Variants in PTPN21 observed in about 807,000 individuals in gnomAD.
The protein encoded by PTPN21 is protein tyrosine phosphatase non-receptor type 21.
Under a neutral mutation model 131.8 loss-of-function variants are expected in PTPN21, and 77 were observed. That is an observed-to-expected ratio of 0.58 (90% CI 0.49 to 0.71). The LOEUF (loss-of-function observed/expected upper bound fraction) is 0.71. Among genes scored for constraint, PTPN21 ranks in the 30% least tolerant of loss-of-function variants. The probability of loss-of-function intolerance (pLI) is 0.00; values close to 1 mark genes in which losing one functional copy is unlikely to be tolerated. For synonymous variants in PTPN21, 715 were observed against 621.3 expected, an observed-to-expected ratio of 1.15 and a Z score of -2.24; for missense variants, 1,552 against 1,527.1, an observed-to-expected ratio of 1.02 and a Z score of -0.27.
rs183614635 is a variant in PTPN21 at position 88,486,548 on chromosome 14, C to T, written c.933-706G>A. ...CAAATATAAAAAAATTTCAAACCTA[C>T]GTATTTTTTAAATCTACATTTCCTC... On this transcript the variant is annotated intron_variant, in intron 10 of 18. Transcript: ENST00000556564. Among the ~76,000 whole-genome samples the T allele has an allele frequency of 1.1e-3, 162 of 152,190 alleles. 2 individuals carry two copies. In the East Asian group the frequency reaches 0.023, roughly 22 times the overall value.
intron 2 of PTPN21, among the ~76,000 whole-genome samples, chr14:88,543,614 G>A (rs2078735512): frequency 6.6e-6 from 1 of 152,170 alleles, no homozygotes; most frequent in South Asian, 2.1e-4. Context: ...CCCTGGCAAT[G>A]CTCCAGTCAA....
intron 3 of PTPN21, among the ~76,000 whole-genome samples, chr14:88,508,236 C>T (rs1018497720): frequency 6.6e-6 from 1 of 151,388 alleles, no homozygotes; most frequent in Non-Finnish European, 1.5e-5. Flanking sequence ...GTAGCGTCAA[C>T]CTTCCTAAGC....
In PTPN21 at chr14:88,468,179, G is replaced by A. The variant is rs369679094; in HGVS notation, c.3483C>T (p.Tyr1161=). ...TTTTCAGGAACTGGATGAGGACTCTGTACACAAATGTGTACTGGCAGAGAG... is the reference window on the plus strand; with the variant it reads ...TTTTCAGGAACTGGATGAGGACTCTATACACAAATGTGTACTGGCAGAGAG... The part of the protein sequence containing the change: ...VQTLCQYTFV[Y]RVLIQFLKSS... The change falls in exon 19 of 19, where the codon TAC becomes TAT. Residue 1161 remains tyrosine, a synonymous_variant. Transcript: ENST00000556564. 5.0e-6 allele frequency: 8 copies of A among 1,613,374 alleles called. No individual in the cohort carries two copies. In the African/African-American group the frequency reaches 5.3e-5, roughly 11 times the overall value.
chr14:88,472,055 A>G (rs56886665), intron 15 of PTPN21, among the ~76,000 whole-genome samples, 189 bp downstream of exon 15: 5,622 of 152,282 alleles, frequency 0.037, 347 homozygotes, highest in African/African-American at 0.13. Context: ...TAGCACTGGT[A>G]TGTGGATTTC....
chr14:88,550,551 C>T lies in PTPN21; in HGVS notation c.-134G>A, dbSNP rs1272622997. Reference sequence around the variant, plus strand: ...GTCCGGCCTCCAGCTGCTCACCCAGCAGCCGCTGCCGCCATTAAAAAGCAA... The same window carrying T: ...GTCCGGCCTCCAGCTGCTCACCCAGTAGCCGCTGCCGCCATTAAAAAGCAA... On this transcript the variant is annotated 5_prime_UTR_variant, in exon 2 of 19. Coordinates refer to ENST00000556564, the MANE Select transcript of PTPN21 (RefSeq NM_007039.4). The T allele has an allele frequency of 6.9e-6, 6 of 863,392 alleles. No homozygotes were observed. Among genetic ancestry groups the T allele is most frequent in the Non-Finnish European group, 1.0e-5 (6 of 576,904 alleles). 53.5% of individuals were successfully genotyped at this position (863,392 alleles called of 1,614,324 possible). A position where few individuals can be genotyped will look rare whatever the true frequency, so the allele number is the denominator to read the frequency against.
At chr14:88,492,834 G>A (rs575357746) in intron 10 of PTPN21, 20 of 264,916 alleles carry the variant, frequency 7.5e-5, no homozygotes, top group Non-Finnish European at 1.1e-4. Context: ...GCCACACTCC[G>A]GCTCCCATTG....
intron 2 of PTPN21, among the ~76,000 whole-genome samples, chr14:88,521,513 C>T (rs2078391951): frequency 6.6e-6 from 1 of 151,652 alleles, no homozygotes; most frequent in African/African-American, 2.4e-5. Context: ...AGCGCTTCTC[C>T]TGCCTCAGCC....
intron 6 of PTPN21, chr14:88,503,840 G>C (rs1444614231): frequency 2.0e-5 from 3 of 152,328 alleles, no homozygotes; most frequent in Admixed American, 1.3e-4. Flanking sequence ...TTTAGAATAA[G>C]ACTTAGCATT....
At chr14:88,523,716 GACAC>G (rs71126989) in intron 2 of PTPN21, among the ~76,000 whole-genome samples, 60,630 of 144,330 alleles carry the variant, frequency 0.42, 13,809 homozygotes, top group Middle Eastern at 0.55. Flanking sequence ...CCCCAACCGT[GACAC>G]ACACACACAC....
intron 2 of PTPN21, among the ~76,000 whole-genome samples, chr14:88,547,367 G>C (rs2078798101): frequency 6.6e-6 from 1 of 151,782 alleles, no homozygotes; most frequent in Non-Finnish European, 1.5e-5. Context: ...AAGCCACTAA[G>C]CCAGGCAAGG....
chr14:88,469,852 G>A lies in PTPN21; in HGVS notation c.3000+70C>T, dbSNP rs1396374394. 1 of 1,608,216 alleles carries A rather than the reference G, an allele frequency of 6.2e-7. No homozygotes were observed. Among genetic ancestry groups the A allele is most frequent in the Middle Eastern group, 1.7e-4 (1 of 6,054 alleles). On this transcript the variant is annotated intron_variant, in intron 16 of 18. Coordinates refer to ENST00000556564, the MANE Select transcript of PTPN21 (RefSeq NM_007039.4). The surrounding 1 kb of genome is among the most constrained non-coding windows in gnomAD (Gnocchi z 4.3). ...CCCTGCCTTTTTCTCCACAGGTCAG[G>A]ATTCCAGATGATTAACATTAACTGT...
At chr14:88,493,196 T>C in intron 10 of PTPN21, 1 of 396,906 alleles carries the variant, frequency 2.5e-6, no homozygotes. Context: ...CTCAGTATAA[T>C]GCTTGACACA....
intron 2 of PTPN21, among the ~76,000 whole-genome samples, chr14:88,517,780 G>GTA (rs200893281): frequency 7.9e-5 from 11 of 140,100 alleles, no homozygotes; most frequent in South Asian, 2.2e-4. Context: ...ATATATAATG[G>GTA]TATATATATA....
At chr14:88,504,152 C>T (rs930093047) in intron 6 of PTPN21, among the ~76,000 whole-genome samples, 2 of 152,148 alleles carry the variant, frequency 1.3e-5, no homozygotes, top group African/African-American at 4.8e-5. Context: ...GGGCACCCTT[C>T]AATGACTGGC....
At chr14:88,495,188 A>G (rs1430586088) in intron 10 of PTPN21, among the ~76,000 whole-genome samples, 4 of 152,184 alleles carry the variant, frequency 2.6e-5, no homozygotes, top group Non-Finnish European at 5.9e-5. Context: ...GGCAGCCAGC[A>G]CTAAGCTGTT....
At chr14:88,509,806 C>T (rs948472063) in intron 3 of PTPN21, among the ~76,000 whole-genome samples, 1 of 152,168 alleles carries the variant, frequency 6.6e-6, no homozygotes, top group Non-Finnish European at 1.5e-5. Flanking sequence ...GAAGCCAAGG[C>T]GGGCGGATCA....
intron 6 of PTPN21, among the ~76,000 whole-genome samples, chr14:88,504,106 T>C (rs908988139): frequency 4.6e-5 from 7 of 152,056 alleles, no homozygotes; most frequent in Admixed American, 2.0e-4. Flanking sequence ...TTGTTTGAGG[T>C]TATCAAACAA....
At chr14:88,481,431 G>A (rs1019031024) in intron 12 of PTPN21, among the ~76,000 whole-genome samples, 1 of 152,072 alleles carries the variant, frequency 6.6e-6, no homozygotes, top group Admixed American at 6.6e-5. Context: ...CACAGCTCGG[G>A]CCCCTACCCC....
chr14:88,497,863 G>A (rs1330872674), intron 8 of PTPN21, among the ~76,000 whole-genome samples: 2 of 151,996 alleles, frequency 1.3e-5, no homozygotes, highest in African/African-American at 4.8e-5. Context: ...ACTTTGGGAG[G>A]CCGAGGCAGG....
Sources: gnomAD v4.1 joint callset for allele counts (sites outside exome capture counted in the v4.1 genomes callset) on GRCh38, gnomAD v4.1.1 for gene constraint, Gnocchi (gnomAD v3.1) non-coding constraint, MANE v1.5 for transcripts, NCBI Gene and HGNC (gene_info 2026-07-23, HGNC 2026-07-21) for gene names.